The following FRMPD3 variants were observed in gnomAD, a reference collection of about 807,000 sequenced individuals.
The protein encoded by FRMPD3 is FERM and PDZ domain containing 3, also known as FERM and PDZ domain-containing protein 3.
Under a neutral mutation model 97.9 loss-of-function variants are expected in FRMPD3, and 42 were observed. The ratio of observed to expected loss-of-function variants is 0.43; its 90% CI spans 0.34 to 0.55. FRMPD3 has a LOEUF of 0.55. Among genes scored for constraint, FRMPD3 ranks in the 20% least tolerant of loss-of-function variants. The pLI, the probability that FRMPD3 is intolerant of heterozygous loss-of-function variation, is 0.03. For synonymous variants in FRMPD3, 577 were observed against 581.1 expected, an observed-to-expected ratio of 0.99 and a Z score of 0.10; for missense variants, 1,303 against 1,457.7, an observed-to-expected ratio of 0.89 and a Z score of 1.73.
At chrX:107,569,406 TG>T (rs1218940504) in intron 12 of FRMPD3, among the ~76,000 whole-genome samples, 1 of 108,653 alleles carries the variant, frequency 9.2e-6, no homozygotes, top group African/African-American at 3.3e-5. Flanking sequence ...AAATTCTGGC[TG>T]GGGGTATTAA....
At chrX:107,560,494 G>A in intron 9 of FRMPD3, 101 bp downstream of exon 9, 1 of 1,048,065 alleles carries the variant, frequency 9.5e-7, no homozygotes, top group Admixed American at 2.7e-5. Context: ...TGTAGGACAT[G>A]GGATGGGAGT....
At chrX:107,452,326 A>T (rs1261570119) in intron 1 of FRMPD3, among the ~76,000 whole-genome samples, 1 of 111,903 alleles carries the variant, frequency 8.9e-6, no homozygotes, top group African/African-American at 3.3e-5. Flanking sequence ...CTTGAGAGGC[A>T]ATTGGGAGCC....
intron 1 of FRMPD3, among the ~76,000 whole-genome samples, chrX:107,484,325 A>G (rs761234641): frequency 7.1e-5 from 8 of 112,476 alleles, no homozygotes; most frequent in South Asian, 7.5e-4. Context: ...GGTAACAGGG[A>G]GGGAGCTGGA....
At chrX:107,583,966 T>G (rs12844916) in intron 13 of FRMPD3, among the ~76,000 whole-genome samples, 1 of 107,411 alleles carries the variant, frequency 9.3e-6, no homozygotes, top group Non-Finnish European at 1.9e-5. Context: ...CCTCCTGAGT[T>G]CAAGCAACTC....
rs1924509013 is a variant in FRMPD3, at chrX:107,601,541, C to T, written c.3502C>T (p.Arg1168Ter). The T allele has an allele frequency of 8.4e-7, 1 of 1,183,799 alleles. No individual in the cohort carries two copies. Among genetic ancestry groups the T allele is most frequent in the Non-Finnish European group, 1.1e-6 (1 of 882,599 alleles). ...AGGTCAGAGCCCCAGCTGCCAACCT[C>T]GAGGCCAGAGCCCACTGAGGTCTCA... ...SRGQSPSCQP[R>*]GQSPLRSQAA... Residue 1168 changes from arginine to a stop codon, truncating the protein, a stop_gained, in exon 15 of 15, where the codon CGA (arginine) becomes TGA (stop). Transcript: ENST00000683843. LOFTEE classifies it high-confidence loss of function.
intron 1 of FRMPD3, among the ~76,000 whole-genome samples, chrX:107,523,480 G>A: frequency 8.9e-6 from 1 of 111,952 alleles, no homozygotes. Flanking sequence ...CCCTTTCTTG[G>A]CCAGTGAGTA....
In FRMPD3 at chrX:107,605,034, G is replaced by C. The variant is rs144882078; in HGVS notation, c.*1661G>C. ...CTCAGCCACTGCAAGCTGGAGTGCT[G>C]ATATGGTCTTCTTTTTCTCCCAACT... On this transcript the variant is annotated 3_prime_UTR_variant, in exon 15 of 15. Coordinates refer to ENST00000683843, the MANE Select transcript of FRMPD3 (RefSeq NM_001388459.1). The C allele has an allele frequency of 5.4e-5, 6 of 110,130 alleles. No homozygotes were observed. Among genetic ancestry groups the C allele is most frequent in the African/African-American group, 1.7e-4 (5 of 30,215 alleles). The allele number at this position is 110,130 out of a possible 1,213,427, so 9.1% of individuals were successfully genotyped here.
At position 107,578,768 on chromosome X, in the gene FRMPD3, C is replaced by T. The variant is rs370630520; in HGVS notation, c.1441+2309C>T. Among the ~76,000 whole-genome samples the T allele has an allele frequency of 1.1e-4, 12 of 111,273 alleles. No individual in the cohort carries two copies. In the East Asian group the frequency reaches 3.4e-3, roughly 32 times the overall value. On this transcript the variant is annotated intron_variant, in intron 13 of 14. Transcript: ENST00000683843. ...CTAGGTACATGGTTTAAATCTTGGG[C>T]CCTGTTACTTAGCTTTTTGAACTGT...
At chrX:107,480,811 A>C (rs1199414158) in intron 1 of FRMPD3, among the ~76,000 whole-genome samples, 1 of 98,216 alleles carries the variant, frequency 1.0e-5, no homozygotes, top group African/African-American at 3.8e-5. Flanking sequence ...CCTAGGCGAA[A>C]GTGAAACTCC....
chrX:107,600,157 C>T, intron 14 of FRMPD3, 146 bp from the exon 15 acceptor site: 1 of 684,799 alleles, frequency 1.5e-6, no homozygotes, highest in South Asian at 3.1e-5. Flanking sequence ...TATGCCATTT[C>T]GTATCAGGGA....
intron 1 of FRMPD3, among the ~76,000 whole-genome samples, chrX:107,514,706 A>G (rs1277159594): frequency 6.4e-5 from 7 of 109,650 alleles, no homozygotes; most frequent in African/African-American, 2.3e-4. Context: ...TTGTATTTTT[A>G]GTAGAGACAG....
At chrX:107,472,801 A>C (rs1343134565) in intron 1 of FRMPD3, among the ~76,000 whole-genome samples, 1 of 112,107 alleles carries the variant, frequency 8.9e-6, no homozygotes, top group Non-Finnish European at 1.9e-5. Flanking sequence ...CCACTTGCTG[A>C]TTTTGTGACT....
intron 1 of FRMPD3, among the ~76,000 whole-genome samples, chrX:107,484,158 T>C (rs1921446047): frequency 8.9e-6 from 1 of 111,924 alleles, no homozygotes; most frequent in Admixed American, 9.4e-5. Flanking sequence ...CACTTTCCTA[T>C]AGCACAGGCC....
intron 1 of FRMPD3, among the ~76,000 whole-genome samples, chrX:107,496,772 A>G (rs887493904): frequency 3.6e-5 from 4 of 111,784 alleles, no homozygotes; most frequent in African/African-American, 1.3e-4. Context: ...TGAAGACTCA[A>G]CAAAGCTGTT....
chrX:107,478,651 T>C (rs986647576), intron 1 of FRMPD3, among the ~76,000 whole-genome samples: 10 of 111,309 alleles, frequency 9.0e-5, no homozygotes, highest in Non-Finnish European at 1.9e-4. Flanking sequence ...CAAGACACAA[T>C]ATAAATAAAG....
intron 4 of FRMPD3, among the ~76,000 whole-genome samples, chrX:107,543,603 G>T (rs1220884440): frequency 9.1e-6 from 1 of 110,310 alleles, no homozygotes; most frequent in African/African-American, 3.3e-5. Flanking sequence ...ATCACTTGAG[G>T]TCAGTAGTTC....
chrX:107,594,414 A>C (rs1365881794), intron 13 of FRMPD3, among the ~76,000 whole-genome samples: 5 of 112,162 alleles, frequency 4.5e-5, no homozygotes, highest in Non-Finnish European at 7.5e-5. Context: ...TTAAGTTATT[A>C]TTGACGGTAG....
At chrX:107,511,294 G>T (rs1421541993) in intron 1 of FRMPD3, among the ~76,000 whole-genome samples, 1 of 112,315 alleles carries the variant, frequency 8.9e-6, no homozygotes, top group Non-Finnish European at 1.9e-5. Flanking sequence ...ACATATGCCT[G>T]TTCCCTTCTG....
chrX:107,532,114 A>G (rs780772941), intron 3 of FRMPD3, among the ~76,000 whole-genome samples: 5 of 113,040 alleles, frequency 4.4e-5, no homozygotes, highest in African/African-American at 1.6e-4. Flanking sequence ...AGAAAAGATT[A>G]TAAGTAGTTC....
Sources: allele counts gnomAD v4.1 joint callset (sites outside exome capture counted in the v4.1 genomes callset), GRCh38; gene constraint gnomAD v4.1.1; transcripts MANE v1.5; gene names NCBI Gene and HGNC (gene_info 2026-07-23, HGNC 2026-07-21).